CTBP2: variants seen among roughly 807,000 people sequenced by gnomAD.
CTBP2 encodes the protein C-terminal-binding protein 2.
A neutral mutation model predicts 80.3 loss-of-function variants in CTBP2; 30 were observed. That is an observed-to-expected ratio of 0.37 (90% CI 0.28 to 0.51). CTBP2 has a LOEUF of 0.51. Ranked by LOEUF, CTBP2 falls within the 20% of genes least tolerant of loss-of-function variation. CTBP2 has a pLI of 0.93. For synonymous variants in CTBP2, 594 were observed against 587.4 expected (o/e 1.01, Z -0.16); for missense variants, 1,212 against 1,375.3 (o/e 0.88, Z 1.88).
intron 2 of CTBP2, among the ~76,000 whole-genome samples, chr10:125,052,265 A>T (rs115805226): frequency 0.025 from 3,761 of 152,230 alleles, 143 homozygotes; most frequent in African/African-American, 0.083. Context: ...GGGAGAGGCA[A>T]CCTTCACCCT....
At chr10:125,117,636 A>C (rs964869611) in intron 1 of CTBP2, among the ~76,000 whole-genome samples, 1 of 152,268 alleles carries the variant, frequency 6.6e-6, no homozygotes, top group African/African-American at 2.4e-5. Flanking sequence ...GCTGAGTGTC[A>C]GATACACACT....
chr10:125,068,555 G>C (rs956878953), intron 2 of CTBP2, among the ~76,000 whole-genome samples: 2 of 152,206 alleles, frequency 1.3e-5, no homozygotes, highest in African/African-American at 4.8e-5. Context: ...CCAGGAAGGA[G>C]CAAGTGTCCT....
chr10:125,149,576 A>G (rs1859443101), intron 1 of CTBP2, among the ~76,000 whole-genome samples: 1 of 152,076 alleles, frequency 6.6e-6, no homozygotes, highest in South Asian at 2.1e-4. Context: ...CAACATCCAC[A>G]CCACCCCCGG....
At chr10:125,094,667 A>G (rs892293835) in intron 2 of CTBP2, among the ~76,000 whole-genome samples, 1 of 152,126 alleles carries the variant, frequency 6.6e-6, no homozygotes, top group African/African-American at 2.4e-5. Flanking sequence ...CAACACTGGC[A>G]TCGGGTGGGG....
intron 2 of CTBP2, among the ~76,000 whole-genome samples, chr10:125,098,742 G>A (rs34421850): frequency 9.4e-6 from 1 of 106,726 alleles, no homozygotes; most frequent in African/African-American, 4.9e-5. Flanking sequence ...GAGAGAGAGA[G>A]AGAGAGACAG....
Position 125,026,590 on chromosome 10 carries a change from A to AGCCGCAGGCTGGGCTGCAGG in CTBP2, c.1169_1170insCCTGCAGCCCAGCCTGCGGC (p.Pro391LeufsTer64). On this transcript the variant is annotated frameshift_variant, in exon 1 of 9. Coordinates refer to ENST00000309035, the MANE Select transcript of CTBP2 (RefSeq NM_022802.3). LOFTEE classifies it high-confidence loss of function. Reference sequence around the variant, plus strand: ...CTCGGGGGGATGCTGTCTGCAGAGGAGCCGCAGCGCCCAGAGAAGCCAAGT... The same window carrying AGCCGCAGGCTGGGCTGCAGG: ...CTCGGGGGGATGCTGTCTGCAGAGGAGCCGCAGGCTGGGCTGCAGGGCCGCAGCGCCCAGAGAAGCCAAGT... The AGCCGCAGGCTGGGCTGCAGG allele has an allele frequency of 1.9e-6, 3 of 1,561,450 alleles. No homozygotes were observed. Among genetic ancestry groups the AGCCGCAGGCTGGGCTGCAGG allele is most frequent in the Non-Finnish European group, 2.6e-6 (3 of 1,153,448 alleles).
chr10:125,058,009 TGGCGGGAGGTGC>T (rs937287012), intron 2 of CTBP2, among the ~76,000 whole-genome samples: 1 of 152,048 alleles, frequency 6.6e-6, no homozygotes, highest in Non-Finnish European at 1.5e-5. Context: ...ACGAGCTGGG[TGGCGGGAGGTGC>T]TTTTTCAGCC....
At chr10:125,087,830 T>A (rs17152614) in intron 2 of CTBP2, among the ~76,000 whole-genome samples, 1 of 152,130 alleles carries the variant, frequency 6.6e-6, no homozygotes, top group Non-Finnish European at 1.5e-5. Context: ...TATGTGGCTT[T>A]ACAAATTTTC....
intron 2 of CTBP2, among the ~76,000 whole-genome samples, chr10:125,105,248 C>T (rs1851273773): frequency 6.6e-6 from 1 of 152,186 alleles, no homozygotes; most frequent in South Asian, 2.1e-4. Flanking sequence ...CCCAGGCTCA[C>T]ACAATCCTCC....
intron 2 of CTBP2, among the ~76,000 whole-genome samples, chr10:125,104,465 T>C (rs1001438942): frequency 6.6e-6 from 1 of 152,220 alleles, no homozygotes; most frequent in African/African-American, 2.4e-5. Context: ...AATTGATTTG[T>C]TTGCTCCGCG....
At chr10:125,055,842 G>A (rs1482369156) in intron 2 of CTBP2, among the ~76,000 whole-genome samples, 1 of 152,196 alleles carries the variant, frequency 6.6e-6, no homozygotes, top group Admixed American at 6.5e-5. Context: ...CAAGAGGCTG[G>A]AACGCTTTTT....
chr10:125,057,969 G>A (rs1481502965), intron 2 of CTBP2, among the ~76,000 whole-genome samples: 1 of 152,180 alleles, frequency 6.6e-6, no homozygotes, highest in Non-Finnish European at 1.5e-5. Flanking sequence ...GGCCGTGGCA[G>A]GAATGAGGCC....
intron 2 of CTBP2, among the ~76,000 whole-genome samples, chr10:125,105,776 GAAAT>G (rs1247686342): frequency 2.0e-5 from 3 of 152,162 alleles, no homozygotes; most frequent in Non-Finnish European, 4.4e-5. Context: ...TTTACAGAAA[GAAAT>G]AACCTTTTCC....
chr10:125,116,793 A>G lies in CTBP2; in HGVS notation c.-205-5700T>C, dbSNP rs113397137. ...GTGGTGCCAGGGGCTTTCCCCACAC[A>G]TCCCATAGCAGATCCTCCCAACGAT... On this transcript the variant is annotated intron_variant, in intron 1 of 10. Transcript: ENST00000337195. 6.1e-3 allele frequency among the ~76,000 whole-genome samples: 929 copies of G among 152,278 alleles called. 11 individuals are homozygous for G. Among genetic ancestry groups the G allele is most frequent in the African/African-American group, 0.02 (836 of 41,558 alleles).
Position 125,026,433 on chromosome 10 carries a change from T to C in CTBP2, c.1327A>G (p.Thr443Ala), listed in dbSNP as rs779030988. ...AGACGCGCTGTCAGGGCGCAAGGGG[T>C]GGGAGAGCTGTACCCGGAGTTGGAG... Residue 443 changes from threonine to alanine, a missense_variant, in exon 1 of 9, where the codon ACC becomes GCC. Coordinates refer to ENST00000309035, the MANE Select transcript of CTBP2 (RefSeq NM_022802.3). 2 of 1,601,446 alleles carry C rather than the reference T, an allele frequency of 1.2e-6. No individual in the cohort carries two copies. Among genetic ancestry groups the C allele is most frequent in the South Asian group, 2.2e-5 (2 of 90,274 alleles).
intron 1 of CTBP2, chr10:125,025,970 G>A: frequency 7.5e-7 from 1 of 1,336,220 alleles, no homozygotes. Context: ...TGGTGTGTGT[G>A]TGTGTGGCCT....
intron 2 of CTBP2, among the ~76,000 whole-genome samples, chr10:125,098,397 G>A (rs1026466066): frequency 3.9e-5 from 6 of 152,076 alleles, no homozygotes; most frequent in Non-Finnish European, 7.4e-5. Flanking sequence ...TGAGAATATA[G>A]TAATATCAAG....
Position 125,034,474 on chromosome 10 carries a change from C to T in CTBP2, c.58+4523G>A, listed in dbSNP as rs1028126019. On this transcript the variant is annotated intron_variant, in intron 3 of 10. Transcript: ENST00000337195. The stretch of plus-strand genomic sequence containing the variant: ...TGTCTAGTTGACTATTGTATATTTA[C>T]ATAGCTAATGTAATTACAGCTAATC... Among the ~76,000 whole-genome samples the T allele has an allele frequency of 3.3e-5, 5 of 152,306 alleles. No homozygotes were observed. In the South Asian group the frequency reaches 8.3e-4, roughly 25 times the overall value.
chr10:125,021,399 T>C (rs1404383803), intron 1 of CTBP2, among the ~76,000 whole-genome samples: 2 of 152,166 alleles, frequency 1.3e-5, no homozygotes, highest in Non-Finnish European at 2.9e-5. Flanking sequence ...TCAACTACTT[T>C]ATGCTCCTGG....
Sources: gnomAD v4.1 joint callset for allele counts (sites outside exome capture counted in the v4.1 genomes callset) on GRCh38, gnomAD v4.1.1 for gene constraint, MANE v1.5 for transcripts, NCBI Gene and HGNC (gene_info 2026-07-23, HGNC 2026-07-21) for gene names.